The following LRMDA variants were observed in gnomAD, a reference collection of about 807,000 sequenced individuals.
The protein encoded by LRMDA is leucine rich melanocyte differentiation associated.
A neutral mutation model predicts 29.8 loss-of-function variants in LRMDA; 18 were observed. The ratio of observed to expected loss-of-function variants is 0.60; its 90% CI spans 0.42 to 0.90. The LOEUF (loss-of-function observed/expected upper bound fraction) is 0.90, where lower values mean the gene tolerates loss of function less well. Ranked by LOEUF, LRMDA falls within the 40% of genes least tolerant of loss-of-function variation. The pLI, the probability that LRMDA is intolerant of heterozygous loss-of-function variation, is 0.00. For synonymous variants in LRMDA, 125 were observed against 109.4 expected (o/e 1.14, Z -0.89); for missense variants, 273 against 273.9 (o/e 1.00, Z 0.02).
intron 2 of LRMDA, among the ~76,000 whole-genome samples, chr10:75,565,688 G>T (rs539497445): frequency 1.3e-5 from 2 of 152,232 alleles, no homozygotes; most frequent in Non-Finnish European, 2.9e-5. Flanking sequence ...GTCATGGAAA[G>T]GTATGTTATT....
At chr10:76,371,893 G>C (rs1482708415) in intron 6 of LRMDA, among the ~76,000 whole-genome samples, 1 of 152,078 alleles carries the variant, frequency 6.6e-6, no homozygotes, top group African/African-American at 2.4e-5. Context: ...TTTTGTGGGT[G>C]ATTCTCTTTT....
chr10:76,467,895 A>T lies in LRMDA; in HGVS notation c.602-89314A>T, dbSNP rs144037841. On this transcript the variant is annotated intron_variant, in intron 6 of 6. Transcript: ENST00000611255. ...TTCTGAGAAAGTTACTATCCCTTGTACTGGTTTCTGGTGCTGGGTATATAC... is the reference window on the plus strand; with the variant it reads ...TTCTGAGAAAGTTACTATCCCTTGTTCTGGTTTCTGGTGCTGGGTATATAC... Among the ~76,000 whole-genome samples, 466 of 152,288 alleles carry T rather than the reference A, an allele frequency of 3.1e-3. 4 individuals are homozygous for T. The highest frequency in any genetic ancestry group is 0.01 in the African/African-American group (427 of 41,546).
chr10:76,463,258 CA>C (rs1352895273), intron 6 of LRMDA, among the ~76,000 whole-genome samples: 1 of 152,172 alleles, frequency 6.6e-6, no homozygotes, highest in African/African-American at 2.4e-5. Context: ...GATGCTTCCC[CA>C]GGGGAAAACA....
chr10:75,441,729 T>C (rs1844328866), intron 2 of LRMDA, among the ~76,000 whole-genome samples: 1 of 152,130 alleles, frequency 6.6e-6, no homozygotes, highest in Admixed American at 6.5e-5. Context: ...AATTAACCCT[T>C]TCCTCTACTT....
At chr10:76,082,994 C>A (rs192764573) in intron 5 of LRMDA, among the ~76,000 whole-genome samples, 2 of 152,138 alleles carry the variant, frequency 1.3e-5, no homozygotes, top group East Asian at 3.8e-4. Context: ...GAGTACTGAG[C>A]AACAATTAGA....
chr10:76,403,754 A>G (rs1841873752), intron 6 of LRMDA, among the ~76,000 whole-genome samples: 1 of 152,142 alleles, frequency 6.6e-6, no homozygotes, highest in Non-Finnish European at 1.5e-5. Flanking sequence ...TGCTTCTGGT[A>G]AGAACTCTCT....
At chr10:76,157,120 A>G (rs918949413) in intron 5 of LRMDA, among the ~76,000 whole-genome samples, 1 of 152,196 alleles carries the variant, frequency 6.6e-6, no homozygotes, top group Non-Finnish European at 1.5e-5. Context: ...AAGGGGAGTT[A>G]GTTGCTAAGT....
At chr10:75,762,234 T>C (rs1293664416) in intron 2 of LRMDA, among the ~76,000 whole-genome samples, 3 of 152,184 alleles carry the variant, frequency 2.0e-5, no homozygotes, top group South Asian at 2.1e-4. Flanking sequence ...TTTCAGACCA[T>C]GTTTTGTTTT....
At chr10:75,600,469 A>G (rs1479199560) in intron 2 of LRMDA, among the ~76,000 whole-genome samples, 1 of 152,188 alleles carries the variant, frequency 6.6e-6, no homozygotes, top group Admixed American at 6.5e-5. Context: ...CTGATCCTGT[A>G]GCTAAATTAC....
chr10:75,600,619 C>T (rs548582125), intron 2 of LRMDA, among the ~76,000 whole-genome samples: 28 of 152,238 alleles, frequency 1.8e-4, no homozygotes, highest in Admixed American at 1.2e-3. Context: ...GGCTAAAGTT[C>T]CCAGATTTGG....
At chr10:76,541,390 A>G (rs537491435) in intron 6 of LRMDA, among the ~76,000 whole-genome samples, 57 of 152,266 alleles carry the variant, frequency 3.7e-4, no homozygotes, top group African/African-American at 1.3e-3. Context: ...GATCCCAGCT[A>G]CTTGGGAGGC....
chr10:76,413,444 G>T (rs1178001849), intron 6 of LRMDA, among the ~76,000 whole-genome samples: 1 of 152,172 alleles, frequency 6.6e-6, no homozygotes. Context: ...AAGCAAGAAA[G>T]AATGAAAGCC....
chr10:75,607,853 G>A (rs1477338535), intron 2 of LRMDA, among the ~76,000 whole-genome samples: 1 of 111,536 alleles, frequency 9.0e-6, no homozygotes, highest in Non-Finnish European at 1.8e-5. Flanking sequence ...TTTTTTTGGA[G>A]CCCAAGATTT....
At chr10:76,004,029 G>A (rs1847605852) in intron 2 of LRMDA, among the ~76,000 whole-genome samples, 1 of 152,056 alleles carries the variant, frequency 6.6e-6, no homozygotes, top group Non-Finnish European at 1.5e-5. Context: ...AAAACTGAGT[G>A]AATAAATTCA....
chr10:76,077,991 C>CTTTTTTT (rs1564646877), intron 5 of LRMDA, among the ~76,000 whole-genome samples: 13 of 83,464 alleles, frequency 1.6e-4, no homozygotes, highest in South Asian at 9.3e-4. Flanking sequence ...GCAATATTAA[C>CTTTTTTT]ATTTTTTTTT....
intron 5 of LRMDA, among the ~76,000 whole-genome samples, chr10:76,116,995 A>G (rs1387400298): frequency 1.3e-5 from 2 of 152,138 alleles, no homozygotes; most frequent in Non-Finnish European, 2.9e-5. Context: ...TGTTCACACA[A>G]TAATAATAAT....
At chr10:75,978,459 G>A (rs756790442) in intron 2 of LRMDA, among the ~76,000 whole-genome samples, 10 of 152,202 alleles carry the variant, frequency 6.6e-5, no homozygotes, top group African/African-American at 2.2e-4. Flanking sequence ...CAAGTCCCAC[G>A]TAAGACATTC....
intron 4 of LRMDA, among the ~76,000 whole-genome samples, chr10:76,054,503 G>T (rs1206886080): frequency 6.6e-6 from 1 of 151,828 alleles, no homozygotes; most frequent in Non-Finnish European, 1.5e-5. Flanking sequence ...ACAATGTGCG[G>T]TCTGTTGTCA....
Position 76,340,330 on chromosome 10 carries a change from A to G in LRMDA, c.601+15845A>G, listed in dbSNP as rs1289960330. Among the ~76,000 whole-genome samples the G allele has an allele frequency of 2.6e-5, 4 of 152,008 alleles. No homozygotes were observed. The East Asian group carries it at 5.8e-4, about 22-fold the overall frequency. On this transcript the variant is annotated intron_variant, in intron 6 of 6. Coordinates refer to ENST00000611255, the MANE Select transcript of LRMDA (RefSeq NM_001305581.2). ...CAGGAGTTTGAGATCGGCCTGGCCA[A>G]TATGGCAAAACCTTGTCTCTACTAA...
Sources: allele counts gnomAD v4.1 joint callset (sites outside exome capture counted in the v4.1 genomes callset), GRCh38; gene constraint gnomAD v4.1.1; transcripts MANE v1.5; gene names NCBI Gene and HGNC (gene_info 2026-07-23, HGNC 2026-07-21).